CFAP299: variants seen among roughly 807,000 people sequenced by gnomAD.
CFAP299 encodes the protein cilia and flagella associated protein 299, also known as cilia- and flagella-associated protein 299.
Under a neutral mutation model 27.0 loss-of-function variants are expected in CFAP299, and 21 were observed. The ratio of observed to expected loss-of-function variants is 0.78; its 90% confidence interval spans 0.55 to 1.12. The LOEUF is 1.12. Among genes scored for constraint, CFAP299 ranks in the 50% most tolerant of loss-of-function variants. The pLI is 0.00. For missense variants in CFAP299, 310 were observed against 276.6 expected (o/e 1.12, Z -0.86); for synonymous variants, 104 against 98.1 (o/e 1.06, Z -0.36).
At chr4:80,840,844 A>T (rs1376205531) in intron 3 of CFAP299, among the ~76,000 whole-genome samples, 3 of 152,142 alleles carry the variant, frequency 2.0e-5, no homozygotes, top group Non-Finnish European at 4.4e-5. Context: ...TAGAAGAACC[A>T]TTCAAATGTC....
At chr4:80,625,235 A>G (rs1029744013) in intron 3 of CFAP299, among the ~76,000 whole-genome samples, 11 of 152,076 alleles carry the variant, frequency 7.2e-5, no homozygotes, top group African/African-American at 2.6e-4. Context: ...AAAATTCAAA[A>G]TGTGGTTTGG....
chr4:80,810,653 TA>T (rs1265764051), intron 3 of CFAP299, among the ~76,000 whole-genome samples: 2 of 152,066 alleles, frequency 1.3e-5, no homozygotes, highest in Non-Finnish European at 2.9e-5. Flanking sequence ...AACAGTTTTT[TA>T]CTTAGATCCT....
intron 2 of CFAP299, among the ~76,000 whole-genome samples, chr4:80,536,744 G>A (rs189801999): frequency 3.3e-5 from 5 of 152,184 alleles, no homozygotes; most frequent in African/African-American, 1.2e-4. Context: ...TTTGAGACCT[G>A]TAACCATAAA....
chr4:80,402,660 A>G (rs2110051549), intron 2 of CFAP299, among the ~76,000 whole-genome samples: 1 of 152,334 alleles, frequency 6.6e-6, no homozygotes, highest in Non-Finnish European at 1.5e-5. Context: ...CCAAGTTTGT[A>G]CAACCAATAA....
At chr4:80,693,907 T>G (rs1384797222) in intron 3 of CFAP299, among the ~76,000 whole-genome samples, 1 of 151,894 alleles carries the variant, frequency 6.6e-6, no homozygotes, top group African/African-American at 2.4e-5. Context: ...TTTGTAAAAT[T>G]TATTCATTAA....
At chr4:80,332,661 AAGGAGAG>A (rs1721982612), upstream of CFAP299, among the ~76,000 whole-genome samples, 1 of 152,156 alleles carries the variant, frequency 6.6e-6, no homozygotes, top group African/African-American at 2.4e-5. Flanking sequence ...ATATAAGATT[AAGGAGAG>A]AGGAGAAAGT....
At chr4:80,895,259 T>G (rs1166977427) in intron 4 of CFAP299, among the ~76,000 whole-genome samples, 1 of 151,924 alleles carries the variant, frequency 6.6e-6, no homozygotes, top group East Asian at 1.9e-4. Context: ...TCATTTCACG[T>G]GTATACATAT....
At chr4:80,720,566 A>G (rs1161170176) in intron 3 of CFAP299, among the ~76,000 whole-genome samples, 3 of 152,094 alleles carry the variant, frequency 2.0e-5, no homozygotes, top group Non-Finnish European at 4.4e-5. Flanking sequence ...AAGCTCTTTT[A>G]AGCTTTATTA....
chr4:80,495,794 C>T lies in CFAP299; in HGVS notation c.243-87299C>T, dbSNP rs534548366. ...CATGATACTAGCATCTGCTCAGCTT[C>T]TAAGGAGGCCTCAGGAAACGTACAA... On this transcript the variant is annotated intron_variant, in intron 2 of 5. Transcript: ENST00000358105. Among the ~76,000 whole-genome samples, 174 of 152,346 alleles carry T rather than the reference C, an allele frequency of 1.1e-3. 2 individuals are homozygous for T. Among genetic ancestry groups the T allele is most frequent in the Middle Eastern group, 6.8e-3 (2 of 294 alleles).
At position 80,863,027 on chromosome 4, in the gene CFAP299, C is replaced by T. The variant is rs961077882; in HGVS notation, c.334-6966C>T. Among the ~76,000 whole-genome samples, 10 of 152,134 alleles carry T rather than the reference C, an allele frequency of 6.6e-5. No homozygotes were observed. The South Asian group carries it at 8.3e-4, about 13-fold the overall frequency. On this transcript the variant is annotated intron_variant, in intron 3 of 5. Transcript: ENST00000358105. Reference sequence around the variant, plus strand: ...GTCCCTAAAATTAATGATTCATTAGCGCATTCAAGAGATTTAAAATTCTAG... The same window carrying T: ...GTCCCTAAAATTAATGATTCATTAGTGCATTCAAGAGATTTAAAATTCTAG...
At chr4:80,471,754 A>C (rs1316595897) in intron 2 of CFAP299, among the ~76,000 whole-genome samples, 1 of 152,200 alleles carries the variant, frequency 6.6e-6, no homozygotes, top group Non-Finnish European at 1.5e-5. Flanking sequence ...TCAATTTTAC[A>C]AAAATGATAT....
At chr4:80,483,427 TTTC>T (rs1730662701) in intron 2 of CFAP299, among the ~76,000 whole-genome samples, 1 of 152,240 alleles carries the variant, frequency 6.6e-6, no homozygotes, top group East Asian at 1.9e-4. Context: ...GTATTGATGA[TTTC>T]TTATTTTTCA....
At chr4:80,536,950 C>A (rs1248671638) in intron 2 of CFAP299, among the ~76,000 whole-genome samples, 1 of 151,892 alleles carries the variant, frequency 6.6e-6, no homozygotes, top group East Asian at 1.9e-4. Flanking sequence ...GGTTGCAAAC[C>A]ATACATCTGA....
chr4:80,447,390 C>T (rs1728692687), intron 2 of CFAP299, among the ~76,000 whole-genome samples: 1 of 151,108 alleles, frequency 6.6e-6, no homozygotes, highest in African/African-American at 2.4e-5. Flanking sequence ...CCGCCTCGGC[C>T]TCCCAAAGTG....
intron 2 of CFAP299, among the ~76,000 whole-genome samples, chr4:80,483,665 T>C (rs1183904513): frequency 6.6e-6 from 1 of 152,148 alleles, no homozygotes; most frequent in Admixed American, 6.6e-5. Flanking sequence ...CTAAAGGGTA[T>C]ACATCAAATG....
Position 80,362,898 on chromosome 4 carries a change from T to C in CFAP299, c.242+14T>C. 1 of 1,593,940 alleles carries C rather than the reference T, an allele frequency of 6.3e-7. No individual in the cohort carries two copies. Among genetic ancestry groups the C allele is most frequent in the Admixed American group, 1.9e-5 (1 of 53,528 alleles). ...AGCTCAGCAAAAGTAAGTGTCCATG[T>C]TCCAAATCCAGATTTTATGTTATAT... On this transcript the variant is annotated intron_variant, in intron 2 of 5. Transcript: ENST00000358105.
chr4:80,744,844 C>T (rs1724492979), intron 3 of CFAP299, among the ~76,000 whole-genome samples: 1 of 152,094 alleles, frequency 6.6e-6, no homozygotes, highest in Non-Finnish European at 1.5e-5. Context: ...TGATATTTAA[C>T]TGGGTGAAGA....
chr4:80,775,240 G>C (rs192006322), intron 3 of CFAP299, among the ~76,000 whole-genome samples: 2 of 151,634 alleles, frequency 1.3e-5, no homozygotes, highest in East Asian at 3.9e-4. Flanking sequence ...TCTAACATAG[G>C]GATATATTTG....
chr4:80,428,029 C>T (rs1234223030), intron 2 of CFAP299, among the ~76,000 whole-genome samples: 1 of 152,128 alleles, frequency 6.6e-6, no homozygotes, highest in African/African-American at 2.4e-5. Flanking sequence ...TTTTATTTCT[C>T]AGGAGACAAT....
Sources: gnomAD v4.1 joint callset for allele counts (sites outside exome capture counted in the v4.1 genomes callset) on GRCh38, gnomAD v4.1.1 for gene constraint, MANE v1.5 for transcripts, NCBI Gene and HGNC (gene_info 2026-07-23, HGNC 2026-07-21) for gene names.